Variants in AHI1 observed in about 807,000 individuals in gnomAD.
AHI1 encodes jouberin.
In AHI1, 123 loss-of-function variants were observed where a neutral mutation model predicts 149.3. The ratio of observed to expected loss-of-function variants is 0.82; its 90% CI spans 0.71 to 0.96. The LOEUF (loss-of-function observed/expected upper bound fraction) is 0.96, where lower values mean the gene tolerates loss of function less well. Ranked by LOEUF, AHI1 falls within the 40% of genes least tolerant of loss-of-function variation. The probability of loss-of-function intolerance (pLI) is 0.00; values close to 1 mark genes in which losing one functional copy is unlikely to be tolerated. For synonymous variants in AHI1, 475 were observed against 459.8 expected, an observed-to-expected ratio of 1.03 and a Z score of -0.42; for missense variants, 1,439 against 1,422.7, an observed-to-expected ratio of 1.01 and a Z score of -0.18.
At chr6:135,460,983 A>G (rs1299865902) in intron 8 of AHI1, among the ~76,000 whole-genome samples, 1 of 152,206 alleles carries the variant, frequency 6.6e-6, no homozygotes, top group Non-Finnish European at 1.5e-5. Context: ...TTAGAATAAA[A>G]CTTTTAGAAA....
At chr6:135,377,183 A>G (rs1478476492) in intron 23 of AHI1, among the ~76,000 whole-genome samples, 1 of 152,124 alleles carries the variant, frequency 6.6e-6, no homozygotes, top group Non-Finnish European at 1.5e-5. Context: ...AAATATCCTT[A>G]CTTTAGCAAA....
chr6:135,297,292 C>T lies in AHI1; in HGVS notation c.3485+3208G>A, dbSNP rs1443969325. 2.5e-5 allele frequency: 9 copies of T among 357,886 alleles called. No homozygotes were observed. In the Admixed American group the frequency reaches 3.0e-4, roughly 12 times the overall value. 22.2% of individuals were successfully genotyped at this position (357,886 alleles called of 1,614,324 possible). A position where few individuals can be genotyped will look rare whatever the true frequency, so the allele number is the denominator to read the frequency against. On this transcript the variant is annotated intron_variant, in intron 27 of 28. Coordinates refer to ENST00000265602, the MANE Select transcript of AHI1 (RefSeq NM_001134831.2). Reference sequence around the variant, plus strand: ...CCTGTTTTTTTCTCCCACTGCAATTCCCCAACTCCAAGACACTAATCAGTC... The same window carrying T: ...CCTGTTTTTTTCTCCCACTGCAATTTCCCAACTCCAAGACACTAATCAGTC...
At chr6:135,342,973 AAGG>A (rs1790605520) in intron 24 of AHI1, among the ~76,000 whole-genome samples, 1 of 151,696 alleles carries the variant, frequency 6.6e-6, no homozygotes, top group Non-Finnish European at 1.5e-5. Flanking sequence ...CCGGATCGGA[AAGG>A]AGAAGTAAAA....
At chr6:135,420,723 C>G (rs915210438) in intron 20 of AHI1, among the ~76,000 whole-genome samples, 13 of 152,142 alleles carry the variant, frequency 8.5e-5, no homozygotes, top group African/African-American at 3.1e-4. Context: ...GGTACTGTGG[C>G]TGGTTTCATC....
chr6:135,410,793 C>T (rs200652142), intron 21 of AHI1, among the ~76,000 whole-genome samples: 1 of 152,148 alleles, frequency 6.6e-6, no homozygotes, highest in East Asian at 1.9e-4. Context: ...TCTAAATATT[C>T]TGTTTCTTAT....
At position 135,336,260 on chromosome 6, in the gene AHI1, T is replaced by C. The variant is rs1049645839; in HGVS notation, c.3166-12936A>G. 3.3e-5 allele frequency among the ~76,000 whole-genome samples: 5 copies of C among 152,100 alleles called. No homozygotes were observed. The East Asian group carries it at 9.6e-4, about 29-fold the overall frequency. ...AAATTCCTATTGCCTTCTTACATTA[T>C]AGCTGTCATAATGTCACAGCACAAT... On this transcript the variant is annotated intron_variant, in intron 24 of 28. Transcript: ENST00000265602.
intron 9 of AHI1, among the ~76,000 whole-genome samples, chr6:135,456,774 C>T (rs1363585892): frequency 2.0e-5 from 3 of 152,088 alleles, no homozygotes; most frequent in African/African-American, 7.2e-5. Context: ...GGATTTCAAG[C>T]ATGCATTAGC....
chr6:135,288,701 A>C (rs1781978570), intron 28 of AHI1, among the ~76,000 whole-genome samples: 1 of 152,036 alleles, frequency 6.6e-6, no homozygotes, highest in African/African-American at 2.4e-5. Context: ...TATTTTAATC[A>C]ACCCTTTATT....
At chr6:135,358,606 A>G (rs536573816) in intron 23 of AHI1, among the ~76,000 whole-genome samples, 9 of 152,364 alleles carry the variant, frequency 5.9e-5, no homozygotes, top group African/African-American at 2.2e-4. Context: ...AAAAGAATAA[A>G]TAAATCCATC....
Position 135,431,197 on chromosome 6 carries a change from T to C in AHI1, c.2373+11A>G, listed in dbSNP as rs1014778036. ...TAATTAAATCCCAAAATATAAAATATGATTTTATACCTTATTTATAGTCCA... is the reference window on the plus strand; with the variant it reads ...TAATTAAATCCCAAAATATAAAATACGATTTTATACCTTATTTATAGTCCA... On this transcript the variant is annotated intron_variant, in intron 17 of 28. Transcript: ENST00000265602. The C allele has an allele frequency of 1.5e-5, 23 of 1,485,720 alleles. No individual in the cohort carries two copies. Among genetic ancestry groups the C allele is most frequent in the African/African-American group, 5.6e-5 (4 of 71,508 alleles). 92.0% of individuals were successfully genotyped at this position (1,485,720 alleles called of 1,614,324 possible).
chr6:135,490,878 C>T lies in AHI1; in HGVS notation c.11-131G>A, dbSNP rs1377707920. On this transcript the variant is annotated intron_variant, in intron 4 of 28. Coordinates refer to ENST00000265602, the MANE Select transcript of AHI1 (RefSeq NM_001134831.2). ...TCTCTAGCTACATTAGAAAAACTCA[C>T]CTATCTTTCCTTCTTAAAATATTTT... 4.6e-6 allele frequency: 5 copies of T among 1,080,886 alleles called. No individual in the cohort carries two copies. The African/African-American group carries it at 6.4e-5, about 14-fold the overall frequency. 67.0% of individuals were successfully genotyped at this position (1,080,886 alleles called of 1,614,324 possible). A position where few individuals can be genotyped will look rare whatever the true frequency, so the allele number is the denominator to read the frequency against.
chr6:135,415,558 T>G (rs1344324329), intron 20 of AHI1, among the ~76,000 whole-genome samples: 3 of 152,318 alleles, frequency 2.0e-5, no homozygotes, highest in Non-Finnish European at 2.9e-5. Flanking sequence ...GTGGGAATGT[T>G]AAATGTTAAA....
At chr6:135,364,885 A>AGAGAGG (rs1491439811) in intron 23 of AHI1, among the ~76,000 whole-genome samples, 1 of 151,582 alleles carries the variant, frequency 6.6e-6, no homozygotes, top group Non-Finnish European at 1.5e-5. Context: ...GACCGTGGAA[A>AGAGAGG]GAGAGGGAGA....
chr6:135,340,744 G>A (rs1227677957), intron 24 of AHI1, among the ~76,000 whole-genome samples: 1 of 137,758 alleles, frequency 7.3e-6, no homozygotes, highest in African/African-American at 2.7e-5. Context: ...AAAAAACTTT[G>A]TAAAGAAATA....
At chr6:135,418,338 T>C (rs912175663) in intron 20 of AHI1, among the ~76,000 whole-genome samples, 2 of 152,116 alleles carry the variant, frequency 1.3e-5, no homozygotes, top group Non-Finnish European at 2.9e-5. Context: ...AAAGAAATGT[T>C]ATATCCATCA....
chr6:135,454,357 G>A (rs946284572), intron 10 of AHI1, among the ~76,000 whole-genome samples: 7 of 151,902 alleles, frequency 4.6e-5, no homozygotes, highest in Non-Finnish European at 7.4e-5. Flanking sequence ...CATGAATACC[G>A]TAATGTTAAT....
At chr6:135,394,523 T>C in intron 23 of AHI1, 1 of 437,012 alleles carries the variant, frequency 2.3e-6, no homozygotes, top group Non-Finnish European at 4.2e-6. Flanking sequence ...GGTTTAAAAC[T>C]CACGTGTTTT....
chr6:135,431,468 T>C (rs945201737), intron 16 of AHI1, among the ~76,000 whole-genome samples, 154 bp from the exon 17 acceptor site: 2 of 152,084 alleles, frequency 1.3e-5, no homozygotes, highest in Non-Finnish European at 2.9e-5. Flanking sequence ...AAAATCAAAA[T>C]GTAACTCACA....
chr6:135,385,068 G>A (rs748582025), intron 23 of AHI1, among the ~76,000 whole-genome samples: 27 of 152,032 alleles, frequency 1.8e-4, no homozygotes, highest in Admixed American at 1.3e-3. Context: ...CTGCCTGGGC[G>A]ACAGAGCAAG....
Sources: allele counts gnomAD v4.1 joint callset (sites outside exome capture counted in the v4.1 genomes callset), GRCh38; gene constraint gnomAD v4.1.1; transcripts MANE v1.5; gene names NCBI Gene and HGNC (gene_info 2026-07-23, HGNC 2026-07-21).